The following GEN1 variants were observed in gnomAD, a reference collection of about 807,000 sequenced individuals.
The protein encoded by GEN1 is flap endonuclease GEN homolog 1.
Under a neutral mutation model 67.6 loss-of-function variants are expected in GEN1, and 64 were observed. The ratio of observed to expected loss-of-function variants is 0.95; its 90% confidence interval spans 0.77 to 1.17. The LOEUF (loss-of-function observed/expected upper bound fraction) is 1.17. Among genes scored for constraint, GEN1 ranks in the 50% most tolerant of loss-of-function variants. The probability of loss-of-function intolerance (pLI) is 0.00; values close to 1 mark genes in which losing one functional copy is unlikely to be tolerated. For synonymous variants in GEN1, 371 were observed against 359.4 expected, an observed-to-expected ratio of 1.03 and a Z score of -0.37; for missense variants, 1,058 against 1,048.3, an observed-to-expected ratio of 1.01 and a Z score of -0.13.
upstream of GEN1, chr2:17,753,611 G>A (rs1265105388): frequency 6.6e-6 from 1 of 152,300 alleles, no homozygotes; most frequent in Non-Finnish European, 1.5e-5. Flanking sequence ...GCGACAGCGC[G>A]CGCCTTCACC....
At position 17,760,174 on chromosome 2, in the gene GEN1, C is replaced by T; in HGVS notation, c.161+70C>T. Reference sequence around the variant, plus strand: ...GTCTTGGTATCTTGATTTTGTTTCACCTTTTTTTTTCTTTTGTTGTTGTTA... The same window carrying T: ...GTCTTGGTATCTTGATTTTGTTTCATCTTTTTTTTTCTTTTGTTGTTGTTA... On this transcript the variant is annotated intron_variant, in intron 2 of 13. Transcript: ENST00000381254. 8 of 1,402,198 alleles carry T rather than the reference C, an allele frequency of 5.7e-6. No homozygotes were observed. The South Asian group carries it at 7.1e-5, about 12-fold the overall frequency. 86.9% of individuals were successfully genotyped at this position (1,402,198 alleles called of 1,614,324 possible).
rs1053092822 is a variant in GEN1 at position 17,782,747 on chromosome 2, C to T, written c.*808C>T. On this transcript the variant is annotated 3_prime_UTR_variant, in exon 14 of 14. Transcript: ENST00000381254. ...AGCTAACTAATAATCCTGTGGGAAT[C>T]AGTTTTCTTGCCTGCTAATTTTTTT... 6.6e-6 allele frequency: 1 copy of T among 152,194 alleles called. No individual in the cohort carries two copies. The highest frequency in any genetic ancestry group is 2.4e-5 in the African/African-American group (1 of 41,438). 9.4% of individuals were successfully genotyped at this position (152,194 alleles called of 1,614,324 possible). A position where few individuals can be genotyped will look rare whatever the true frequency, so the allele number is the denominator to read the frequency against.
Position 17,774,263 on chromosome 2 carries a change from A to G in GEN1, c.1072-8A>G. The G allele has an allele frequency of 6.8e-7, 1 of 1,479,180 alleles. No homozygotes were observed. The allele number at this position is 1,479,180 out of a possible 1,614,324, so 91.6% of individuals were successfully genotyped here. A position where few individuals can be genotyped will look rare whatever the true frequency, so the allele number is the denominator to read the frequency against. On this transcript the variant is annotated splice_region_variant and splice_polypyrimidine_tract_variant and intron_variant, in intron 10 of 13. Coordinates refer to ENST00000381254, the MANE Select transcript of GEN1 (RefSeq NM_001130009.3). The stretch of plus-strand genomic sequence containing the variant: ...CAAAATCTTGTTTTATTTTTATTAT[A>G]TTTATAGAGATTTACTCTTGAAAAA...
At chr2:17,774,924 G>GC (rs1338962640) in intron 11 of GEN1, among the ~76,000 whole-genome samples, 1 of 152,020 alleles carries the variant, frequency 6.6e-6, no homozygotes, top group African/African-American at 2.4e-5. Context: ...ACCAAATGCT[G>GC]CCTGAAGCCC....
At position 17,778,455 on chromosome 2, in the gene GEN1, T is replaced by TACAC. The variant is rs374206953; in HGVS notation, c.1264+395_1264+396insCACA. Among the ~76,000 whole-genome samples the TACAC allele has an allele frequency of 5.0e-3, 105 of 21,080 alleles. 23 individuals carry two copies. The highest frequency in any genetic ancestry group is 5.2e-3 in the African/African-American group (39 of 7,468). 13.8% of individuals were successfully genotyped at this position (21,080 alleles called of 152,430 possible). A position where few individuals can be genotyped will look rare whatever the true frequency, so the allele number is the denominator to read the frequency against. On this transcript the variant is annotated intron_variant, in intron 12 of 13. Coordinates refer to ENST00000381254, the MANE Select transcript of GEN1 (RefSeq NM_001130009.3). ...GTATATACACACACATATATGTGTGTACATATATGTATATACACACACAGC... is the reference window on the plus strand; with the variant it reads ...GTATATACACACACATATATGTGTGTACACACATATATGTATATACACACACAGC...
chr2:17,754,400 C>G (rs1391266744), intron 1 of GEN1, 55 bp downstream of exon 1: 1 of 152,248 alleles, frequency 6.6e-6, no homozygotes, highest in East Asian at 1.9e-4. Flanking sequence ...CCACTGATTC[C>G]TTTGACCATC....
At position 17,764,078 on chromosome 2, in the gene GEN1, A is replaced by G. The variant is rs114457347; in HGVS notation, c.349-819A>G. On this transcript the variant is annotated intron_variant, in intron 3 of 13. Transcript: ENST00000381254. The stretch of plus-strand genomic sequence containing the variant: ...AGGCTATAAGGCCAGACTACAAGCT[A>G]CCCAGCGGGGTTAAATTCATAAACC... Among the ~76,000 whole-genome samples the G allele has an allele frequency of 9.2e-3, 1,408 of 152,328 alleles. 30 individuals are homozygous for G. The highest frequency in any genetic ancestry group is 0.033 in the African/African-American group (1,353 of 41,576).
intron 4 of GEN1, among the ~76,000 whole-genome samples, chr2:17,765,628 T>C (rs1671892121): frequency 6.6e-6 from 1 of 152,158 alleles, no homozygotes; most frequent in African/African-American, 2.4e-5. Flanking sequence ...AACTAAACCT[T>C]CTGCCAGACA....
In GEN1 at chr2:17,780,122, G is replaced by GT; in HGVS notation, c.1408+2dup. ...GAAATTAAAGGGAAGAAACAAAAACGTAAGTTTTGGGTTTGATAGCTATTT... is the reference window on the plus strand; with the variant it reads ...GAAATTAAAGGGAAGAAACAAAAACGTTAAGTTTTGGGTTTGATAGCTATTT... On this transcript the variant is annotated splice_donor_variant, in intron 13 of 13. Coordinates refer to ENST00000381254, the MANE Select transcript of GEN1 (RefSeq NM_001130009.3). LOFTEE classifies it high-confidence loss of function. The GT allele has an allele frequency of 6.2e-7, 1 of 1,609,398 alleles. No individual in the cohort carries two copies. The highest frequency in any genetic ancestry group is 8.5e-7 in the Non-Finnish European group (1 of 1,178,174).
chr2:17,778,095 T>G (rs369844892), intron 12 of GEN1, 32 bp downstream of exon 12: 3 of 1,214,070 alleles, frequency 2.5e-6, no homozygotes, highest in African/African-American at 1.5e-5. Flanking sequence ...AATATTCCAT[T>G]TATAATATTT....
At chr2:17,762,129 TAAGA>T (rs1202784973) in intron 3 of GEN1, among the ~76,000 whole-genome samples, 1 of 151,184 alleles carries the variant, frequency 6.6e-6, no homozygotes, top group Non-Finnish European at 1.5e-5. Flanking sequence ...GTATGAAACT[TAAGA>T]AAGAAATCAT....
intron 13 of GEN1, 42 bp downstream of exon 13, chr2:17,780,163 G>A: frequency 6.5e-7 from 1 of 1,527,032 alleles, no homozygotes; most frequent in Non-Finnish European, 9.0e-7. Flanking sequence ...ACATGCAAAT[G>A]TTATAGAAGA....
At chr2:17,776,919 A>T (rs76499250) in intron 11 of GEN1, among the ~76,000 whole-genome samples, 20,904 of 152,108 alleles carry the variant, frequency 0.14, 1,751 homozygotes, top group African/African-American at 0.24. Context: ...GAGGCCAGGG[A>T]TTCTAGACCA....
chr2:17,771,428 C>T (rs1672185521), intron 7 of GEN1, 141 bp downstream of exon 7: 7 of 613,406 alleles, frequency 1.1e-5, no homozygotes, highest in Non-Finnish European at 2.0e-5. Context: ...GAATTCCTTG[C>T]AGTCAGTTTT....
chr2:17,778,258 A>ACGTGTGTGTG lies in GEN1; in HGVS notation c.1264+195_1264+196insCGTGTGTGTG, dbSNP rs35008551. 1.2e-4 allele frequency among the ~76,000 whole-genome samples: 3 copies of ACGTGTGTGTG among 24,834 alleles called. No individual in the cohort carries two copies. In the Admixed American group the frequency reaches 2.0e-3, roughly 17 times the overall value. 16.3% of individuals were successfully genotyped at this position (24,834 alleles called of 152,430 possible). A position where few individuals can be genotyped will look rare whatever the true frequency, so the allele number is the denominator to read the frequency against. On this transcript the variant is annotated intron_variant, in intron 12 of 13. Coordinates refer to ENST00000381254, the MANE Select transcript of GEN1 (RefSeq NM_001130009.3). ...TGTGTGTACATATATGTATACACACATATGTGTGTACATATATGTATATAC... is the reference window on the plus strand; with the variant it reads ...TGTGTGTACATATATGTATACACACACGTGTGTGTGTATGTGTGTACATATATGTATATAC...
At chr2:17,759,226 G>A (rs910285743) in intron 1 of GEN1, among the ~76,000 whole-genome samples, 11 of 152,220 alleles carry the variant, frequency 7.2e-5, no homozygotes, top group South Asian at 2.1e-4. Context: ...ATAACAAAGG[G>A]AAAGAAAACC....
At position 17,781,207 on chromosome 2, in the gene GEN1, T is replaced by G; in HGVS notation, c.1995T>G (p.Thr665=). The change falls in exon 14 of 14, where the codon ACT becomes ACG. Residue 665 remains threonine (T), a synonymous_variant. Coordinates refer to ENST00000381254, the MANE Select transcript of GEN1 (RefSeq NM_001130009.3). ...AAGAGCATCTACTTTCTGGCATTAC[T>G]GATTTATGTCTTCAGGATTTGCCTT... ...SPEEHLLSGI[T]DLCLQDLPLK... 8 of 1,613,654 alleles carry G rather than the reference T, an allele frequency of 5.0e-6. No homozygotes were observed. The highest frequency in any genetic ancestry group is 5.9e-6 in the Non-Finnish European group (7 of 1,179,602).
intron 1 of GEN1, among the ~76,000 whole-genome samples, chr2:17,758,451 A>C (rs1178435928): frequency 4.6e-5 from 7 of 152,344 alleles, no homozygotes; most frequent in Admixed American, 3.9e-4. Flanking sequence ...TCTTCATAAT[A>C]ATGACTTTGA....
intron 5 of GEN1, among the ~76,000 whole-genome samples, chr2:17,768,206 T>C (rs1672019634): frequency 6.6e-6 from 1 of 152,220 alleles, no homozygotes; most frequent in Non-Finnish European, 1.5e-5. Flanking sequence ...GTGACAGGAA[T>C]ATACATTAAG....
Sources: gnomAD v4.1 joint callset for allele counts (sites outside exome capture counted in the v4.1 genomes callset) on GRCh38, gnomAD v4.1.1 for gene constraint, MANE v1.5 for transcripts, NCBI Gene and HGNC (gene_info 2026-07-23, HGNC 2026-07-21) for gene names.